The following GLIS3 variants were observed in gnomAD, a reference collection of about 807,000 sequenced individuals.
The protein encoded by GLIS3 is GLIS family zinc finger 3, also known as zinc finger protein GLIS3.
A neutral mutation model predicts 78.6 loss-of-function variants in GLIS3; 53 were observed. That is an observed-to-expected ratio of 0.67 (90% CI 0.54 to 0.85). The LOEUF is 0.85. Ranked by LOEUF, GLIS3 falls within the 40% of genes least tolerant of loss-of-function variation. The pLI, the probability that GLIS3 is intolerant of heterozygous loss-of-function variation, is 0.00. For missense variants in GLIS3, 1,703 were observed against 1,231.1 expected (o/e 1.38, Z -5.74); for synonymous variants, 684 against 509.9 (o/e 1.34, Z -4.60).
At chr9:4,357,286 A>C in the GLIS3 span, among the ~76,000 whole-genome samples, 1 of 152,230 alleles carries the variant, frequency 6.6e-6, no homozygotes, top group African/African-American at 2.4e-5. Flanking sequence ...TGAATAAAGC[A>C]GATTGCCCCT....
intron 2 of GLIS3, among the ~76,000 whole-genome samples, chr9:4,133,919 G>A (rs1198035766): frequency 6.6e-6 from 1 of 150,844 alleles, no homozygotes; most frequent in Admixed American, 6.6e-5. Flanking sequence ...TTTTATTTAG[G>A]CCATTCTAGT....
At chr9:4,371,379 T>C in the GLIS3 span, among the ~76,000 whole-genome samples, 1 of 152,204 alleles carries the variant, frequency 6.6e-6, no homozygotes, top group Admixed American at 6.5e-5. Context: ...ATGACCTCAG[T>C]CGTCCTAAGC....
intron 4 of GLIS3, among the ~76,000 whole-genome samples, chr9:4,037,758 G>A (rs915148803): frequency 2.6e-5 from 4 of 152,018 alleles, no homozygotes; most frequent in African/African-American, 9.7e-5. Context: ...GTGCCCTTAT[G>A]GTCACTTAAT....
In GLIS3 at chr9:4,211,168, T is replaced by A. The variant is rs541001987; in HGVS notation, c.388+74870A>T. Among the ~76,000 whole-genome samples, 7 of 152,348 alleles carry A rather than the reference T, an allele frequency of 4.6e-5. No homozygotes were observed. In the East Asian group the frequency reaches 1.3e-3, roughly 29 times the overall value. ...ATGGTAAGTAACCAGTAATAACCTG[T>A]TTGCTGGACTATTCCAGATTGTGCC... On this transcript the variant is annotated intron_variant, in intron 2 of 10. Transcript: ENST00000381971.
At chr9:3,839,658 G>A (rs1396411867) in intron 9 of GLIS3, among the ~76,000 whole-genome samples, 1 of 151,842 alleles carries the variant, frequency 6.6e-6, no homozygotes, top group African/African-American at 2.4e-5. Context: ...TTCAGAACCA[G>A]GACTCAAATT....
At chr9:4,119,001 T>C in intron 3 of GLIS3, 120 bp from the exon 4 acceptor site, 1 of 1,073,462 alleles carries the variant, frequency 9.3e-7, no homozygotes, top group South Asian at 1.4e-5. Flanking sequence ...CCTAATTACA[T>C]TCTGTGCTAA....
intron 4 of GLIS3, among the ~76,000 whole-genome samples, chr9:4,107,340 G>C (rs1012904555): frequency 2.0e-5 from 3 of 152,122 alleles, no homozygotes; most frequent in Non-Finnish European, 4.4e-5. Context: ...CTTGCAGTTA[G>C]TTGAGGTCAT....
At chr9:4,159,253 A>C (rs903955748) in intron 2 of GLIS3, among the ~76,000 whole-genome samples, 3 of 152,296 alleles carry the variant, frequency 2.0e-5, no homozygotes, top group Admixed American at 2.0e-4. Flanking sequence ...AACCATCTCC[A>C]GGGTCATATG....
the GLIS3 span, among the ~76,000 whole-genome samples, chr9:4,456,110 A>G: frequency 2.0e-5 from 3 of 148,668 alleles, no homozygotes; most frequent in Non-Finnish European, 4.5e-5. Context: ...TCCATCTAAG[A>G]AAAAAAAAAA....
chr9:4,360,209 C>G, the GLIS3 span, among the ~76,000 whole-genome samples: 1 of 152,158 alleles, frequency 6.6e-6, no homozygotes, highest in Non-Finnish European at 1.5e-5. Context: ...GCCTGACCCA[C>G]CTGTGGCTTT....
chr9:4,311,829 A>C (rs992690231), intron 2 of GLIS3, among the ~76,000 whole-genome samples: 3 of 152,232 alleles, frequency 2.0e-5, no homozygotes, highest in African/African-American at 7.2e-5. Context: ...ATTCAGTTAG[A>C]TGATGTCTTC....
At chr9:4,227,112 G>A (rs542379304) in intron 2 of GLIS3, among the ~76,000 whole-genome samples, 2 of 152,144 alleles carry the variant, frequency 1.3e-5, no homozygotes, top group Non-Finnish European at 2.9e-5. Context: ...TTGCAGATGG[G>A]CACGGGCACA....
intron 4 of GLIS3, among the ~76,000 whole-genome samples, chr9:4,021,514 G>T (rs1189233425): frequency 6.6e-6 from 1 of 152,116 alleles, no homozygotes; most frequent in Non-Finnish European, 1.5e-5. Flanking sequence ...TGCTTGATAT[G>T]TGGTAACTTC....
At chr9:4,080,683 G>A (rs1828481829) in intron 4 of GLIS3, among the ~76,000 whole-genome samples, 1 of 152,012 alleles carries the variant, frequency 6.6e-6, no homozygotes, top group African/African-American at 2.4e-5. Context: ...CACTAATCCT[G>A]GCCCTGAGTA....
At chr9:3,929,917 C>T (rs1280407916) in intron 6 of GLIS3, among the ~76,000 whole-genome samples, 1 of 151,820 alleles carries the variant, frequency 6.6e-6, no homozygotes, top group Non-Finnish European at 1.5e-5. Context: ...ATTTCAAATA[C>T]CAAGTCCTGA....
chr9:4,324,094 C>T (rs1184774990), intron 2 of GLIS3, among the ~76,000 whole-genome samples: 1 of 152,178 alleles, frequency 6.6e-6, no homozygotes. Context: ...AATATGCCAT[C>T]TCAACCCTAT....
chr9:4,141,365 C>T (rs564442844), intron 2 of GLIS3, among the ~76,000 whole-genome samples: 10 of 152,290 alleles, frequency 6.6e-5, no homozygotes, highest in African/African-American at 1.9e-4. Flanking sequence ...CGGGCCTGGG[C>T]TCCCAGCTCC....
At chr9:3,925,883 G>A (rs1222267453) in intron 6 of GLIS3, among the ~76,000 whole-genome samples, 1 of 152,154 alleles carries the variant, frequency 6.6e-6, no homozygotes, top group Non-Finnish European at 1.5e-5. Context: ...TTATCAATTA[G>A]CCTTTGGTAA....
chr9:4,180,001 G>T (rs1817159759), intron 2 of GLIS3, among the ~76,000 whole-genome samples: 2 of 152,120 alleles, frequency 1.3e-5, no homozygotes, highest in South Asian at 4.1e-4. Flanking sequence ...CCATGAGCCT[G>T]CATCACCTTC....
Sources: allele counts gnomAD v4.1 joint callset (sites outside exome capture counted in the v4.1 genomes callset), GRCh38; gene constraint gnomAD v4.1.1; transcripts MANE v1.5; gene names NCBI Gene and HGNC (gene_info 2026-07-23, HGNC 2026-07-21).